Variants in MEGF8 observed in about 807,000 individuals in gnomAD.
MEGF8 encodes the protein multiple EGF like domains 8.
In MEGF8, 156 loss-of-function variants were observed where a neutral mutation model predicts 302.9. The ratio of observed to expected loss-of-function variants is 0.52; its 90% confidence interval spans 0.45 to 0.59. The LOEUF is 0.59. Ranked by LOEUF, MEGF8 falls within the 20% of genes least tolerant of loss-of-function variation. The pLI is 0.00. For missense variants in MEGF8, 3,345 were observed against 3,964.5 expected, an observed-to-expected ratio of 0.84 and a Z score of 4.20; for synonymous variants, 1,621 against 1,660.5, an observed-to-expected ratio of 0.98 and a Z score of 0.58.
chr19:42,352,104 G>T lies in MEGF8; in HGVS notation c.3102-104G>T. ...TGTCTCTCTTTCCAAATTTGTATTT[G>T]CATCCCTCTCCTTCCAATTGGCCTC... On this transcript the variant is annotated intron_variant, in intron 18 of 41. Transcript: ENST00000251268. This position sits in a 1 kb window ranked among gnomAD's most constrained non-coding sequence, Gnocchi z 4.4. 2.2e-6 allele frequency: 3 copies of T among 1,358,598 alleles called. No homozygotes were observed. The highest frequency in any genetic ancestry group is 2.9e-6 in the Non-Finnish European group (3 of 1,021,956). The allele number at this position is 1,358,598 out of a possible 1,614,324, so 84.2% of individuals were successfully genotyped here.
intron 1 of MEGF8, among the ~76,000 whole-genome samples, chr19:42,331,990 C>T (rs1053544774): frequency 6.6e-6 from 1 of 151,708 alleles, no homozygotes; most frequent in Non-Finnish European, 1.5e-5. Context: ...TCCTGAGTAG[C>T]TGGGACTTGC....
intron 8 of MEGF8, 52 bp from the exon 9 acceptor site, chr19:42,343,425 T>C: frequency 6.6e-7 from 1 of 1,506,784 alleles, no homozygotes; most frequent in Non-Finnish European, 9.0e-7. Flanking sequence ...GCCATGGAGG[T>C]GGTGGAGGGG....
rs768538893 is a variant in MEGF8, at chr19:42,353,084, C to T, written c.3507C>T (p.Ser1169=). The change falls in exon 20 of 42, where the codon AGC becomes AGT. Residue 1169 remains serine (S), a synonymous_variant. Coordinates refer to ENST00000251268, the MANE Select transcript of MEGF8 (RefSeq NM_001271938.2). The surrounding 1 kb of genome is among the most constrained non-coding windows in gnomAD (Gnocchi z 6.1). ...CSRDCGCSFH[S]HCRKRGPGFC... The stretch of plus-strand genomic sequence containing the variant: ...GGGACTGTGGCTGCAGCTTCCACAG[C>T]CACTGCCGCAAGCGGGGCCCTGGCT... 1.1e-5 allele frequency: 17 copies of T among 1,549,102 alleles called. No individual in the cohort carries two copies. Among genetic ancestry groups the T allele is most frequent in the Admixed American group, 7.9e-5 (4 of 50,722 alleles).
chr19:42,349,773 A>C lies in MEGF8; in HGVS notation c.2499+74A>C. On this transcript the variant is annotated intron_variant, in intron 14 of 41. Coordinates refer to ENST00000251268, the MANE Select transcript of MEGF8 (RefSeq NM_001271938.2). Reference sequence around the variant, plus strand: ...AGATCACCTGGGCTTTCTGAACCCCAGGCCACAAACTCTGAAATCCCTAGA... The same window carrying C: ...AGATCACCTGGGCTTTCTGAACCCCCGGCCACAAACTCTGAAATCCCTAGA... 3 of 1,482,042 alleles carry C rather than the reference A, an allele frequency of 2.0e-6. No individual in the cohort carries two copies. The Admixed American group carries it at 5.4e-5, about 26-fold the overall frequency. 91.8% of individuals were successfully genotyped at this position (1,482,042 alleles called of 1,614,324 possible).
rs759200371 is a variant in MEGF8, at chr19:42,375,889, G to GA, written c.7653dup (p.Ala2552SerfsTer96). 6.2e-7 allele frequency: 1 copy of GA among 1,604,388 alleles called. No homozygotes were observed. Among genetic ancestry groups the GA allele is most frequent in the Non-Finnish European group, 8.5e-7 (1 of 1,175,346 alleles). ...CCCCGGGGGGCTGGGGATCCAGGAG[G>GA]AGCAGGGGCCAGCAGTGGGCCGGGC... On this transcript the variant is annotated frameshift_variant, in exon 42 of 42. Transcript: ENST00000251268. LOFTEE classifies it high-confidence loss of function. The surrounding 1 kb of genome is among the most constrained non-coding windows in gnomAD (Gnocchi z 7.1).
chr19:42,349,380 C>T (rs1312855353), intron 13 of MEGF8, 119 bp from the exon 14 acceptor site: 5 of 815,282 alleles, frequency 6.1e-6, no homozygotes, highest in Non-Finnish European at 9.4e-6. Context: ...ATCTAAGGAG[C>T]TCTGAGGCCC....
chr19:42,365,686 C>G (rs2039594357), intron 35 of MEGF8, among the ~76,000 whole-genome samples: 1 of 146,946 alleles, frequency 6.8e-6, no homozygotes, highest in East Asian at 2.0e-4. Flanking sequence ...GTGGGAGGAT[C>G]ACTTGTGTCT....
chr19:42,328,658 A>G (rs1400106727), intron 1 of MEGF8, among the ~76,000 whole-genome samples: 2 of 151,610 alleles, frequency 1.3e-5, no homozygotes, highest in African/African-American at 4.9e-5. Context: ...TGGTTAGGCC[A>G]GGTGCGGTGG....
At chr19:42,363,725 A>T (rs2039566019) in intron 35 of MEGF8, among the ~76,000 whole-genome samples, 1 of 152,136 alleles carries the variant, frequency 6.6e-6, no homozygotes, top group Non-Finnish European at 1.5e-5. Flanking sequence ...TATAAGAAAC[A>T]GACACTCCCT....
At chr19:42,360,276 T>C (rs2039511985) in intron 31 of MEGF8, among the ~76,000 whole-genome samples, 1 of 151,916 alleles carries the variant, frequency 6.6e-6, no homozygotes, top group Non-Finnish European at 1.5e-5. Context: ...TGTTGTCTGC[T>C]TGTGTCTCTC....
chr19:42,352,085 T>G lies in MEGF8; in HGVS notation c.3102-123T>G. On this transcript the variant is annotated intron_variant, in intron 18 of 41. Transcript: ENST00000251268. This position sits in a 1 kb window ranked among gnomAD's most constrained non-coding sequence, Gnocchi z 4.4. ...CGACTTCTCCTGGTTTCTCTGTCTC[T>G]CTTTCCAAATTTGTATTTGCATCCC... 7.7e-7 allele frequency: 1 copy of G among 1,293,352 alleles called. No homozygotes were observed. The highest frequency in any genetic ancestry group is 1.0e-6 in the Non-Finnish European group (1 of 964,152). The allele number at this position is 1,293,352 out of a possible 1,614,324, so 80.1% of individuals were successfully genotyped here. A position where few individuals can be genotyped will look rare whatever the true frequency, so the allele number is the denominator to read the frequency against.
intron 1 of MEGF8, among the ~76,000 whole-genome samples, chr19:42,330,603 A>G (rs1304257639): frequency 1.3e-5 from 2 of 152,022 alleles, no homozygotes; most frequent in African/African-American, 4.8e-5. Flanking sequence ...TCTTTTATGT[A>G]TTTCTTCATT....
At position 42,370,842 on chromosome 19, in the gene MEGF8, C is replaced by CGGGG; in HGVS notation, c.7136+11_7136+12insGGGG. On this transcript the variant is annotated intron_variant, in intron 40 of 41. Transcript: ENST00000251268. ...CGGGAAGTGCACCAAGTAAGAGGAA[C>CGGGG]CGGGGGGGGGGGGGGGGGGGGGGGG... is the stretch of plus-strand genomic sequence containing the variant. 8.4e-6 allele frequency: 1 copy of CGGGG among 119,568 alleles called. No individual in the cohort carries two copies. Among genetic ancestry groups the CGGGG allele is most frequent in the Admixed American group, 2.2e-4 (1 of 4,498 alleles). 7.4% of individuals were successfully genotyped at this position (119,568 alleles called of 1,614,324 possible). A position where few individuals can be genotyped will look rare whatever the true frequency, so the allele number is the denominator to read the frequency against.
intron 7 of MEGF8, 46 bp from the exon 8 acceptor site, chr19:42,337,038 C>T: frequency 6.2e-7 from 1 of 1,612,776 alleles, no homozygotes; most frequent in Non-Finnish European, 8.5e-7. Flanking sequence ...GGAGTCCCCC[C>T]ACCTCCCCTA....
At chr19:42,332,826 C>T (rs1443856882) in intron 1 of MEGF8, among the ~76,000 whole-genome samples, 4 of 152,180 alleles carry the variant, frequency 2.6e-5, no homozygotes, top group Non-Finnish European at 4.4e-5. Context: ...TTCCCAGATA[C>T]GAGAGGCAGG....
chr19:42,337,125 G>A lies in MEGF8; in HGVS notation c.1432G>A (p.Glu478Lys), dbSNP rs1207858447. The change falls in exon 8 of 42, where the codon GAA becomes AAA. Residue 478 changes from glutamate (E) to lysine (K), a missense_variant. Coordinates refer to ENST00000251268, the MANE Select transcript of MEGF8 (RefSeq NM_001271938.2). The part of the protein sequence containing the change: ...HTHYQEEKCY[E>K]DGIFFYHLGC... ...CCATTACCAGGAGGAAAAGTGCTACGAAGATGGCATCTTCTTCTACCACCT... is the reference window on the plus strand; with the variant it reads ...CCATTACCAGGAGGAAAAGTGCTACAAAGATGGCATCTTCTTCTACCACCT... The A allele has an allele frequency of 1.2e-6, 2 of 1,614,010 alleles. No homozygotes were observed. The highest frequency in any genetic ancestry group is 1.1e-5 in the South Asian group (1 of 91,086).
At chr19:42,372,991 G>A (rs1432092647) in intron 41 of MEGF8, among the ~76,000 whole-genome samples, 1 of 151,416 alleles carries the variant, frequency 6.6e-6, no homozygotes, top group East Asian at 2.0e-4. Context: ...CTGCTTTCTT[G>A]ATAAGGGAAA....
rs748837091 is a variant in MEGF8 at position 42,343,487 on chromosome 19, G to C, written c.1524G>C (p.Ala508=). 14 of 1,602,014 alleles carry C rather than the reference G, an allele frequency of 8.7e-6. No individual in the cohort carries two copies. In the South Asian group the frequency reaches 1.5e-4, roughly 18 times the overall value. Residue 508 remains alanine (A), a synonymous_variant, in exon 9 of 42, where the codon GCG becomes GCC. Coordinates refer to ENST00000251268, the MANE Select transcript of MEGF8 (RefSeq NM_001271938.2). ...APPGTPEGRA[A]PPSGRYSHVA... ...TCTCTATTCCCCTAGGCCGAGCAGC[G>C]CCTCCCAGTGGTCGGTACTCACATG... is the stretch of plus-strand genomic sequence containing the variant.
chr19:42,376,130 C>T lies in MEGF8; in HGVS notation c.7893C>T (p.Ala2631=), dbSNP rs150486662. The part of the protein sequence containing the change: ...DPSGPGANGS[A]DSQGLLFFRQ... ...GTGGGCCCGGCGCCAACGGCTCAGCCGACTCGCAGGGCCTGCTCTTCTTCC... is the reference window on the plus strand; with the variant it reads ...GTGGGCCCGGCGCCAACGGCTCAGCTGACTCGCAGGGCCTGCTCTTCTTCC... Residue 2631 remains alanine (A), a synonymous_variant, in exon 42 of 42, where the codon GCC becomes GCT. Coordinates refer to ENST00000251268, the MANE Select transcript of MEGF8 (RefSeq NM_001271938.2). This position sits in a 1 kb window ranked among gnomAD's most constrained non-coding sequence, Gnocchi z 8.2. The T allele has an allele frequency of 9.0e-5, 145 of 1,608,224 alleles. 1 individual carries two copies. The highest frequency in any genetic ancestry group is 3.6e-4 in the South Asian group (33 of 91,088).
Sources: gnomAD v4.1 joint callset for allele counts (sites outside exome capture counted in the v4.1 genomes callset) on GRCh38, gnomAD v4.1.1 for gene constraint, Gnocchi (gnomAD v3.1) non-coding constraint, MANE v1.5 for transcripts, NCBI Gene and HGNC (gene_info 2026-07-23, HGNC 2026-07-21) for gene names.